The following TTC39B variants were observed in gnomAD, a reference collection of about 807,000 sequenced individuals.
TTC39B encodes the protein tetratricopeptide repeat domain 39B.
A neutral mutation model predicts 96.6 loss-of-function variants in TTC39B; 92 were observed. The ratio of observed to expected loss-of-function variants is 0.95; its 90% CI spans 0.80 to 1.13. The LOEUF is 1.13. Among genes scored for constraint, TTC39B ranks in the 50% most tolerant of loss-of-function variants. TTC39B has a pLI of 0.00. For missense variants in TTC39B, 955 were observed against 809.3 expected (o/e 1.18, Z -2.18); for synonymous variants, 367 against 299.4 (o/e 1.23, Z -2.33).
exon 6 of TTC39B, chr9:15,210,153 T>C: frequency 6.2e-7 from 1 of 1,600,460 alleles, no homozygotes; most frequent in Non-Finnish European, 8.5e-7. Context: ...AACTGTGTAT[T>C]TTTTCCTGTA....
intron 18 of TTC39B, among the ~76,000 whole-genome samples, chr9:15,177,195 TA>T (rs1458947261): frequency 3.9e-5 from 6 of 152,090 alleles, no homozygotes; most frequent in Non-Finnish European, 7.4e-5. Context: ...AAGCCAGGCA[TA>T]GTAGTGCACA....
intron 1 of TTC39B, among the ~76,000 whole-genome samples, chr9:15,301,586 C>T (rs1824591740): frequency 6.6e-6 from 1 of 152,036 alleles, no homozygotes; most frequent in African/African-American, 2.4e-5. Context: ...GAAACCCCGT[C>T]TCTATTAAAA....
chr9:15,191,161 TC>T, intron 10 of TTC39B, 28 bp downstream of exon 10: 1 of 1,497,990 alleles, frequency 6.7e-7, no homozygotes. Flanking sequence ...ATCTTCCCTG[TC>T]AAAATTAACA....
intron 17 of TTC39B, among the ~76,000 whole-genome samples, chr9:15,179,853 G>C (rs1396111735): frequency 6.6e-6 from 1 of 152,160 alleles, no homozygotes; most frequent in African/African-American, 2.4e-5. Flanking sequence ...TGACGAACTT[G>C]AGTTAGGCAT....
chr9:15,239,833 C>T (rs1312832560), intron 2 of TTC39B, among the ~76,000 whole-genome samples: 1 of 152,128 alleles, frequency 6.6e-6, no homozygotes, highest in Non-Finnish European at 1.5e-5. Context: ...GTGATGAGTA[C>T]ACTAGAAGCT....
At chr9:15,294,214 G>GAA (rs35270563) in intron 1 of TTC39B, among the ~76,000 whole-genome samples, 2 of 151,372 alleles carry the variant, frequency 1.3e-5, no homozygotes, top group African/African-American at 4.9e-5. Context: ...CTAGCAGCTG[G>GAA]AAAAAAAAAA....
chr9:15,256,009 T>C (rs1252795318), intron 2 of TTC39B, among the ~76,000 whole-genome samples: 7 of 152,196 alleles, frequency 4.6e-5, no homozygotes, highest in African/African-American at 1.7e-4. Flanking sequence ...TAATAGTACA[T>C]GCTATGGTTT....
At chr9:15,277,823 T>C (rs926164637) in intron 1 of TTC39B, among the ~76,000 whole-genome samples, 1 of 152,246 alleles carries the variant, frequency 6.6e-6, no homozygotes, top group African/African-American at 2.4e-5. Context: ...TGCGTCCAAA[T>C]GGAGCACTGA....
At chr9:15,197,467 C>G (rs1027915693) in intron 8 of TTC39B, among the ~76,000 whole-genome samples, 3 of 152,132 alleles carry the variant, frequency 2.0e-5, no homozygotes, top group Non-Finnish European at 4.4e-5. Flanking sequence ...AATTTTGGTT[C>G]TGCTACCAGT....
rs752817883 is a variant in TTC39B, at chr9:15,217,811, C to G, written c.372-3562G>C. On this transcript the variant is annotated intron_variant, in intron 3 of 19. Coordinates refer to ENST00000512701, the Ensembl canonical transcript of TTC39B. ...ACAGATGCTCATCATTCTGCCTCCT[C>G]AGATTAAGAACCTAAAGTAGCTACC... Among the ~76,000 whole-genome samples the G allele has an allele frequency of 3.8e-4, 58 of 152,148 alleles. 1 individual carries two copies. Among genetic ancestry groups the G allele is most frequent in the Non-Finnish European group, 6.8e-4 (46 of 68,032 alleles).
At chr9:15,266,050 T>A (rs1273726753) in intron 2 of TTC39B, among the ~76,000 whole-genome samples, 1 of 152,194 alleles carries the variant, frequency 6.6e-6, no homozygotes, top group East Asian at 1.9e-4. Flanking sequence ...TAAATCTGGA[T>A]AACGTATGGA....
chr9:15,239,730 G>T (rs545547377), intron 2 of TTC39B, among the ~76,000 whole-genome samples: 1 of 152,266 alleles, frequency 6.6e-6, no homozygotes, highest in Non-Finnish European at 1.5e-5. Flanking sequence ...AATAAAGATG[G>T]AAATAACAGA....
chr9:15,296,577 C>G (rs967154740), intron 1 of TTC39B, among the ~76,000 whole-genome samples: 6 of 152,318 alleles, frequency 3.9e-5, no homozygotes, highest in African/African-American at 1.4e-4. Flanking sequence ...TCACTGCAAT[C>G]TCCGCCTCCC....
intron 2 of TTC39B, among the ~76,000 whole-genome samples, chr9:15,243,380 C>G (rs570927956): frequency 6.6e-6 from 1 of 152,076 alleles, no homozygotes; most frequent in African/African-American, 2.4e-5. Context: ...TAAAGGAGAA[C>G]AGTTGAAAAG....
intron 1 of TTC39B, among the ~76,000 whole-genome samples, chr9:15,304,964 C>T (rs907818184): frequency 6.6e-6 from 1 of 152,202 alleles, no homozygotes; most frequent in Non-Finnish European, 1.5e-5. Context: ...CACTTTGTCC[C>T]TTTTAACTCC....
chr9:15,263,608 T>C (rs1823019536), intron 2 of TTC39B, among the ~76,000 whole-genome samples: 1 of 152,214 alleles, frequency 6.6e-6, no homozygotes, highest in South Asian at 2.1e-4. Flanking sequence ...ACAACCCCCC[T>C]TACAATACCT....
intron 10 of TTC39B, 132 bp from the exon 11 acceptor site, chr9:15,190,794 G>C: frequency 1.4e-6 from 1 of 734,674 alleles, no homozygotes; most frequent in Middle Eastern, 3.0e-4. Context: ...GTGAAGTCTG[G>C]GCTTTTAGTG....
At chr9:15,170,710 A>G (rs1036663076) in exon 20 of TTC39B, 1 of 152,186 alleles carries the variant, frequency 6.6e-6, no homozygotes, top group African/African-American at 2.4e-5. Flanking sequence ...TTATTCTTCA[A>G]AATGGAAATA....
intron 18 of TTC39B, among the ~76,000 whole-genome samples, chr9:15,176,960 A>G (rs1257737737): frequency 2.6e-5 from 4 of 152,216 alleles, no homozygotes; most frequent in Non-Finnish European, 5.9e-5. Context: ...TAAAACCAGA[A>G]CAAAACTCAA....
Sources: allele counts gnomAD v4.1 joint callset (sites outside exome capture counted in the v4.1 genomes callset), GRCh38; gene constraint gnomAD v4.1.1; transcripts MANE v1.5; gene names NCBI Gene and HGNC (gene_info 2026-07-23, HGNC 2026-07-21).